CEP152: variants seen among roughly 807,000 people sequenced by gnomAD.
CEP152 encodes the protein centrosomal protein 152.
CEP152 carries 132 observed loss-of-function variants against 188.9 expected under a neutral mutation model. The ratio of observed to expected loss-of-function variants is 0.70; its 90% CI spans 0.61 to 0.81. The LOEUF (loss-of-function observed/expected upper bound fraction) is 0.81. Among genes scored for constraint, CEP152 ranks in the 30% least tolerant of loss-of-function variants. The pLI is 0.00. For synonymous variants in CEP152, 649 were observed against 666.6 expected (o/e 0.97, Z 0.41); for missense variants, 1,914 against 1,969.8 (o/e 0.97, Z 0.54).
At chr15:48,779,832 A>C (rs1896135201) in intron 12 of CEP152, among the ~76,000 whole-genome samples, 1 of 152,244 alleles carries the variant, frequency 6.6e-6, no homozygotes, top group Non-Finnish European at 1.5e-5. Context: ...TCTGTCTAAA[A>C]AAGATATAAT....
intron 2 of CEP152, among the ~76,000 whole-genome samples, chr15:48,730,846 T>TAATAATA (rs1566967330): frequency 6.6e-6 from 1 of 152,056 alleles, no homozygotes. Context: ...AACACAACAA[T>TAATAATA]AATAATAAAC....
At chr15:48,736,588 C>T (rs1892610731), downstream of CEP152, among the ~76,000 whole-genome samples, 3 of 152,246 alleles carry the variant, frequency 2.0e-5, no homozygotes, top group South Asian at 4.1e-4. Flanking sequence ...TGGATACCTT[C>T]ATATTTATCA....
At chr15:48,758,311 T>G (rs1052343892) in intron 19 of CEP152, among the ~76,000 whole-genome samples, 1 of 152,206 alleles carries the variant, frequency 6.6e-6, no homozygotes, top group Non-Finnish European at 1.5e-5. Context: ...TCTTTTGGTT[T>G]GGAGGAAGGA....
At chr15:48,803,455 C>T (rs1478662288) in intron 2 of CEP152, among the ~76,000 whole-genome samples, 1 of 152,188 alleles carries the variant, frequency 6.6e-6, no homozygotes, top group African/African-American at 2.4e-5. Flanking sequence ...ATTTGAACCT[C>T]TCTAGCCTCT....
intron 6 of CEP152, among the ~76,000 whole-genome samples, chr15:48,795,402 G>A (rs973093007): frequency 6.6e-6 from 1 of 152,082 alleles, no homozygotes; most frequent in Non-Finnish European, 1.5e-5. Context: ...TAGTGCTGAT[G>A]TATTAAATTA....
At position 48,756,529 on chromosome 15, in the gene CEP152, TA is replaced by T. The variant is rs781062268; in HGVS notation, c.2718del (p.Glu908ArgfsTer10). On this transcript the variant is annotated frameshift_variant, in exon 20 of 27. Transcript: ENST00000380950. LOFTEE classifies it high-confidence loss of function. ...NKRISFAVSE[A>X]KEKWKSELEN... ...TCAAGCTCACTCTTCCATTTCTCTT[TA>T]GCTTCAGAAACAGCAAATGATATCT... The T allele has an allele frequency of 2.1e-5, 33 of 1,607,648 alleles. No individual in the cohort carries two copies. Among genetic ancestry groups the T allele is most frequent in the Non-Finnish European group, 2.7e-5 (32 of 1,179,822 alleles).
At chr15:48,737,895 G>T, downstream of CEP152, 1 of 183,078 alleles carries the variant, frequency 5.5e-6, no homozygotes, top group Non-Finnish European at 1.2e-5. Context: ...ATGCCAATAT[G>T]ACATTTCTGT....
chr15:48,762,248 G>A (rs1894739230), intron 18 of CEP152, 143 bp downstream of exon 18: 1 of 796,812 alleles, frequency 1.3e-6, no homozygotes, highest in Non-Finnish European at 2.0e-6. Flanking sequence ...AAAAATTTAG[G>A]AACATGACAG....
At chr15:48,809,301 C>T (rs1320947544) in intron 1 of CEP152, among the ~76,000 whole-genome samples, 1 of 152,028 alleles carries the variant, frequency 6.6e-6, no homozygotes, top group Non-Finnish European at 1.5e-5. Context: ...CACTGTGTTC[C>T]AGATCATATC....
intron 20 of CEP152, among the ~76,000 whole-genome samples, chr15:48,752,828 A>G (rs1315358696): frequency 6.6e-6 from 1 of 152,242 alleles, no homozygotes; most frequent in Non-Finnish European, 1.5e-5. Context: ...TTGAAAATCT[A>G]GAACATTTTT....
chr15:48,747,089 T>C (rs147332378), intron 22 of CEP152, among the ~76,000 whole-genome samples: 346 of 152,270 alleles, frequency 2.3e-3, no homozygotes, highest in Non-Finnish European at 4.1e-3. Context: ...CTGAAGGCCA[T>C]GGCAAGCCAC....
At chr15:48,771,614 A>C (rs1895537985) in intron 13 of CEP152, among the ~76,000 whole-genome samples, 1 of 152,202 alleles carries the variant, frequency 6.6e-6, no homozygotes, top group South Asian at 2.1e-4. Flanking sequence ...AATTTTACCT[A>C]ATTGGTATCT....
intron 17 of CEP152, chr15:48,765,688 C>T: frequency 3.0e-6 from 1 of 331,764 alleles, no homozygotes; most frequent in South Asian, 2.0e-5. Flanking sequence ...GAGTTTCGCT[C>T]TGTCGCCCAG....
Position 48,798,040 on chromosome 15 carries a change from T to C in CEP152, c.99A>G (p.Leu33=). ...GCATGTCATGGGGAAGGTCTGTGAG[T>C]AACTGCTGCAACTGAGTCAAAAGGT... is the stretch of plus-strand genomic sequence containing the variant. The part of the protein sequence containing the change: ...DYEREKELQQ[L]LTDLPHDMLD... The change falls in exon 3 of 27, where the codon TTA becomes TTG. Residue 33 remains leucine (L), a synonymous_variant. Transcript: ENST00000380950. 6.2e-6 allele frequency: 10 copies of C among 1,613,678 alleles called. No individual in the cohort carries two copies. Among genetic ancestry groups the C allele is most frequent in the Non-Finnish European group, 8.5e-6 (10 of 1,179,734 alleles).
At position 48,796,116 on chromosome 15, in the gene CEP152, A is replaced by G. The variant is rs775617772; in HGVS notation, c.585T>C (p.Tyr195=). ...QGLEPYNKVT[Y]KPYQSSAQNN... ...TCTGGGCAGAAGACTGATAAGGTTT[A>G]TATGTCACTTTATTATACGGTTCCA... Residue 195 remains tyrosine (Y), a synonymous_variant, in exon 6 of 27, where the codon TAT becomes TAC. Transcript: ENST00000380950. The G allele has an allele frequency of 6.2e-7, 1 of 1,613,946 alleles. No individual in the cohort carries two copies. The highest frequency in any genetic ancestry group is 1.7e-5 in the Admixed American group (1 of 60,010).
chr15:48,787,905 G>A lies in CEP152; in HGVS notation c.1173+896C>T, dbSNP rs756713041. 5.0e-4 allele frequency among the ~76,000 whole-genome samples: 76 copies of A among 152,310 alleles called. 1 individual carries two copies. The highest frequency in any genetic ancestry group is 8.8e-4 in the Non-Finnish European group (60 of 68,036). ...CTTTCAATATTTTATTCCCCCTTGA[G>A]TGAAAATAATAAAAATTCACTGTGC... On this transcript the variant is annotated intron_variant, in intron 9 of 26. Transcript: ENST00000380950.
Position 48,752,381 on chromosome 15 carries a change from G to T in CEP152, c.3434C>A (p.Pro1145His), listed in dbSNP as rs1893934933. 6.2e-7 allele frequency: 1 copy of T among 1,613,858 alleles called. No homozygotes were observed. The highest frequency in any genetic ancestry group is 1.3e-5 in the African/African-American group (1 of 74,896). ...TGCTTCTGTTGCTTGTAAGGCCAAGGGCTGAGCATGGTGTCCAGCAGCAGG... is the reference window on the plus strand; with the variant it reads ...TGCTTCTGTTGCTTGTAAGGCCAAGTGCTGAGCATGGTGTCCAGCAGCAGG... ...PGPAAGHHAQ[P>H]LALQATEAEA... Residue 1145 changes from proline to histidine, a missense_variant, in exon 21 of 27, where the codon CCC (proline) becomes CAC (histidine). Physicochemically the swap from Pro to His is moderately conservative, Grantham distance 77. Coordinates refer to ENST00000380950, the MANE Select transcript of CEP152 (RefSeq NM_001194998.2).
chr15:48,762,718 A>G (rs1256111362), intron 17 of CEP152, 46 bp from the exon 18 acceptor site: 1 of 1,586,402 alleles, frequency 6.3e-7, no homozygotes. Flanking sequence ...TTTTCAAATA[A>G]GTAAAAACTA....
rs546710526 is a variant in CEP152 at position 48,776,274 on chromosome 15, T to C, written c.1578-3583A>G. Among the ~76,000 whole-genome samples the C allele has an allele frequency of 2.0e-5, 3 of 152,246 alleles. No individual in the cohort carries two copies. The East Asian group carries it at 5.8e-4, about 29-fold the overall frequency. ...AAAAGCAAAATAAAACTATAGAAAG[T>C]ACTAGAGAAATACCTTATTTTTAAA... On this transcript the variant is annotated intron_variant, in intron 12 of 26. Coordinates refer to ENST00000380950, the MANE Select transcript of CEP152 (RefSeq NM_001194998.2).
Sources: gnomAD v4.1 joint callset for allele counts (sites outside exome capture counted in the v4.1 genomes callset) on GRCh38, gnomAD v4.1.1 for gene constraint, MANE v1.5 for transcripts, NCBI Gene and HGNC (gene_info 2026-07-23, HGNC 2026-07-21) for gene names.